Variants in ZSWIM6 observed in about 807,000 individuals in gnomAD.
The protein encoded by ZSWIM6 is zinc finger SWIM-type containing 6, also known as zinc finger SWIM domain-containing protein 6.
Under a neutral mutation model 113.2 loss-of-function variants are expected in ZSWIM6, and 9 were observed. That is an observed-to-expected ratio of 0.08 (90% CI 0.05 to 0.14). The LOEUF (loss-of-function observed/expected upper bound fraction) is 0.14, where lower values mean the gene tolerates loss of function less well. Ranked by LOEUF, ZSWIM6 falls within the 10% of genes least tolerant of loss-of-function variation. The pLI is 1.00. For missense variants in ZSWIM6, 1,162 were observed against 1,552.2 expected, an observed-to-expected ratio of 0.75 and a Z score of 4.22; for synonymous variants, 611 against 606.5, an observed-to-expected ratio of 1.01 and a Z score of -0.11.
chr5:61,360,582 A>T (rs897069088), intron 1 of ZSWIM6, among the ~76,000 whole-genome samples: 2 of 152,174 alleles, frequency 1.3e-5, no homozygotes, highest in Non-Finnish European at 2.9e-5. Flanking sequence ...CACACATGAT[A>T]ATTGTTTGAT....
chr5:61,382,149 G>C (rs1745500771), intron 1 of ZSWIM6, among the ~76,000 whole-genome samples: 1 of 152,178 alleles, frequency 6.6e-6, no homozygotes, highest in Non-Finnish European at 1.5e-5. Context: ...GGCTGGTCCT[G>C]CATGCTGTGT....
chr5:61,436,216 A>T (rs1161639913), intron 1 of ZSWIM6, among the ~76,000 whole-genome samples: 1 of 152,060 alleles, frequency 6.6e-6, no homozygotes, highest in African/African-American at 2.4e-5. Flanking sequence ...AAAAAAAAAA[A>T]AATGTAGTCA....
intron 1 of ZSWIM6, among the ~76,000 whole-genome samples, 170 bp downstream of exon 1, chr5:61,333,118 C>T (rs1042906443): frequency 2.2e-4 from 34 of 151,868 alleles, no homozygotes; most frequent in African/African-American, 8.0e-4. Context: ...CATTTCCTCC[C>T]TCCCTTCCCT....
chr5:61,371,367 G>A (rs536822400), intron 1 of ZSWIM6, among the ~76,000 whole-genome samples: 69 of 152,100 alleles, frequency 4.5e-4, no homozygotes, highest in Non-Finnish European at 8.5e-4. Flanking sequence ...TTATAAAATT[G>A]GCACTGCATT....
intron 1 of ZSWIM6, among the ~76,000 whole-genome samples, chr5:61,415,033 T>C (rs954130023): frequency 1.3e-5 from 2 of 152,194 alleles, no homozygotes; most frequent in Non-Finnish European, 2.9e-5. Context: ...TAGTACTTGC[T>C]CGAGGATACA....
intron 1 of ZSWIM6, among the ~76,000 whole-genome samples, chr5:61,444,646 C>T (rs970881568): frequency 5.9e-5 from 9 of 152,052 alleles, no homozygotes; most frequent in South Asian, 2.1e-4. Context: ...CCTGTTATTC[C>T]GACATAGGGG....
chr5:61,541,552 C>A (rs188661875), intron 12 of ZSWIM6, among the ~76,000 whole-genome samples: 1 of 150,710 alleles, frequency 6.6e-6, no homozygotes, highest in African/African-American at 2.5e-5. Flanking sequence ...GGAAAAAGGG[C>A]ATGGGCTGTG....
chr5:61,338,408 C>T (rs192624247), intron 1 of ZSWIM6, among the ~76,000 whole-genome samples: 1 of 152,070 alleles, frequency 6.6e-6, no homozygotes, highest in African/African-American at 2.4e-5. Flanking sequence ...AGATCCTACC[C>T]TTTTTCTGCC....
chr5:61,453,488 C>T (rs1005558807), intron 1 of ZSWIM6, among the ~76,000 whole-genome samples: 8 of 151,534 alleles, frequency 5.3e-5, no homozygotes, highest in African/African-American at 1.9e-4. Flanking sequence ...TGATCCTCCA[C>T]CTCAACCTCC....
chr5:61,333,009 G>GGGGGGC, intron 1 of ZSWIM6, 61 bp downstream of exon 1: 1 of 439,902 alleles, frequency 2.3e-6, no homozygotes, highest in South Asian at 5.0e-5. Context: ...TGGGGGGGGG[G>GGGGGGC]TGCCCGCCTT....
intron 1 of ZSWIM6, among the ~76,000 whole-genome samples, chr5:61,348,026 C>G (rs957770761): frequency 1.3e-5 from 2 of 151,936 alleles, no homozygotes; most frequent in Admixed American, 6.6e-5. Context: ...TTGAGACCAT[C>G]CTGGCTAACA....
intron 10 of ZSWIM6, among the ~76,000 whole-genome samples, chr5:61,537,261 A>G (rs184256815): frequency 4.4e-4 from 67 of 152,334 alleles, no homozygotes; most frequent in Non-Finnish European, 2.2e-4. Flanking sequence ...TTAATGGGGA[A>G]TACTAGCAGG....
intron 2 of ZSWIM6, among the ~76,000 whole-genome samples, chr5:61,484,029 A>C (rs1253947623): frequency 1.3e-5 from 2 of 152,156 alleles, no homozygotes; most frequent in Non-Finnish European, 1.5e-5. Context: ...TTAGCATGAA[A>C]AAAAATAAGT....
Position 61,494,255 on chromosome 5 carries a change from A to G in ZSWIM6, c.1183-5A>G. ...ATTTTCTAAAGGTCTGTTTTTCCCC[A>G]TTAGGTGCGGGAGATGTTAAAGATG... On this transcript the variant is annotated splice_region_variant and splice_polypyrimidine_tract_variant and intron_variant, in intron 3 of 13. Coordinates refer to ENST00000252744, the MANE Select transcript of ZSWIM6 (RefSeq NM_020928.2). 6.5e-7 allele frequency: 1 copy of G among 1,549,228 alleles called. No homozygotes were observed. The highest frequency in any genetic ancestry group is 8.7e-7 in the Non-Finnish European group (1 of 1,145,440).
chr5:61,453,377 TC>T lies in ZSWIM6; in HGVS notation c.677-19303del, dbSNP rs1267009640. 7.7e-3 allele frequency among the ~76,000 whole-genome samples: 970 copies of T among 126,612 alleles called. 4 individuals are homozygous for T. The highest frequency in any genetic ancestry group is 0.027 in the South Asian group (94 of 3,422). 83.1% of individuals were successfully genotyped at this position (126,612 alleles called of 152,430 possible). On this transcript the variant is annotated intron_variant, in intron 1 of 13. Transcript: ENST00000252744. ...GAACACTTTACGTCCACTCTCTCTC[TC>T]TTTTTTTTTTTTTTTGTGCCAGGGT... is the stretch of plus-strand genomic sequence containing the variant.
intron 1 of ZSWIM6, among the ~76,000 whole-genome samples, chr5:61,470,226 T>C (rs1318140847): frequency 6.6e-6 from 1 of 152,160 alleles, no homozygotes; most frequent in African/African-American, 2.4e-5. Context: ...GATGTGATAG[T>C]GTTAAGTGGG....
intron 1 of ZSWIM6, among the ~76,000 whole-genome samples, chr5:61,406,672 T>C (rs1330314300): frequency 6.6e-6 from 1 of 150,970 alleles, no homozygotes; most frequent in Non-Finnish European, 1.5e-5. Flanking sequence ...TATGATACTA[T>C]AATTTATCTC....
intron 4 of ZSWIM6, among the ~76,000 whole-genome samples, chr5:61,519,818 G>T (rs78392888): frequency 0.016 from 2,429 of 152,228 alleles, 25 homozygotes; most frequent in Middle Eastern, 0.099. Flanking sequence ...TTCCACGGAT[G>T]GGGGGTGGGA....
chr5:61,356,696 T>C (rs1744915000), intron 1 of ZSWIM6, among the ~76,000 whole-genome samples: 1 of 134,846 alleles, frequency 7.4e-6, no homozygotes, highest in South Asian at 2.1e-4. Context: ...ATAATATACA[T>C]ATTTTATATA....
Sources: gnomAD v4.1 joint callset for allele counts (sites outside exome capture counted in the v4.1 genomes callset) on GRCh38, gnomAD v4.1.1 for gene constraint, MANE v1.5 for transcripts, NCBI Gene and HGNC (gene_info 2026-07-23, HGNC 2026-07-21) for gene names.